Variants in IGF2BP3 observed in about 807,000 individuals in gnomAD.
The protein encoded by IGF2BP3 is insulin like growth factor 2 mRNA binding protein 3.
A neutral mutation model predicts 73.8 loss-of-function variants in IGF2BP3; 9 were observed. That is an observed-to-expected ratio of 0.12 (90% CI 0.07 to 0.21). The LOEUF is 0.21. Ranked by LOEUF, IGF2BP3 falls within the 10% of genes least tolerant of loss-of-function variation. IGF2BP3 has a pLI of 1.00. For synonymous variants in IGF2BP3, 258 were observed against 256.7 expected, an observed-to-expected ratio of 1.01 and a Z score of -0.05; for missense variants, 542 against 714.0, an observed-to-expected ratio of 0.76 and a Z score of 2.75.
intron 3 of IGF2BP3, among the ~76,000 whole-genome samples, chr7:23,390,803 T>C (rs932378595): frequency 1.3e-5 from 2 of 150,180 alleles, no homozygotes; most frequent in Non-Finnish European, 1.5e-5. Context: ...TTGTTGCCTT[T>C]TTTTTTTTTT....
chr7:23,429,022 T>G (rs979401355), intron 2 of IGF2BP3, among the ~76,000 whole-genome samples: 1 of 152,182 alleles, frequency 6.6e-6, no homozygotes, highest in Non-Finnish European at 1.5e-5. Flanking sequence ...TTAGCTTGTA[T>G]GTTTCTTGCC....
intron 2 of IGF2BP3, among the ~76,000 whole-genome samples, chr7:23,451,966 T>G: frequency 6.6e-6 from 1 of 150,834 alleles, no homozygotes. Context: ...AATATATGGT[T>G]AGAATAGGGT....
At chr7:23,442,542 C>CT (rs1267160936) in intron 2 of IGF2BP3, among the ~76,000 whole-genome samples, 1 of 152,046 alleles carries the variant, frequency 6.6e-6, no homozygotes, top group Non-Finnish European at 1.5e-5. Context: ...GGATTACAGG[C>CT]ACCCACTACC....
chr7:23,455,321 C>A (rs1338546720), intron 2 of IGF2BP3, among the ~76,000 whole-genome samples: 1 of 152,194 alleles, frequency 6.6e-6, no homozygotes, highest in Non-Finnish European at 1.5e-5. Context: ...GTAGTTCCCA[C>A]ACACACCCCA....
chr7:23,470,315 A>G lies in IGF2BP3; in HGVS notation c.-205T>C, dbSNP rs1307763972. The G allele has an allele frequency of 2.5e-6, 1 of 403,458 alleles. No homozygotes were observed. The highest frequency in any genetic ancestry group is 4.4e-6 in the Non-Finnish European group (1 of 228,254). 25.0% of individuals were successfully genotyped at this position (403,458 alleles called of 1,614,324 possible). On this transcript the variant is annotated 5_prime_UTR_variant, in exon 1 of 15. Coordinates refer to ENST00000258729, the MANE Select transcript of IGF2BP3 (RefSeq NM_006547.3). ...TTTCCTTGTCTAGATGTGTTTTAAA[A>G]GAGAAAGAAAAGAAAAAGCCTAGCT...
rs1783820322 is a variant in IGF2BP3, at chr7:23,311,278, C to T, written c.*1084G>A. On this transcript the variant is annotated 3_prime_UTR_variant, in exon 15 of 15. Transcript: ENST00000258729. The stretch of plus-strand genomic sequence containing the variant: ...TGAAGTGTAGTGGCAAACTAAGCAT[C>T]CTATAAGACAAGCTAAAGCTTGCTT... 1 of 152,492 alleles carries T rather than the reference C, an allele frequency of 6.6e-6. No homozygotes were observed. Among genetic ancestry groups the T allele is most frequent in the South Asian group, 2.1e-4 (1 of 4,828 alleles). 9.4% of individuals were successfully genotyped at this position (152,492 alleles called of 1,614,324 possible). A position where few individuals can be genotyped will look rare whatever the true frequency, so the allele number is the denominator to read the frequency against.
At chr7:23,393,445 C>A (rs961704234) in intron 3 of IGF2BP3, among the ~76,000 whole-genome samples, 3 of 152,150 alleles carry the variant, frequency 2.0e-5, no homozygotes, top group East Asian at 1.9e-4. Flanking sequence ...CAGCTAAGAT[C>A]CCACCCTGCA....
At chr7:23,437,731 CTT>C (rs1474203111) in intron 2 of IGF2BP3, among the ~76,000 whole-genome samples, 2 of 152,150 alleles carry the variant, frequency 1.3e-5, no homozygotes, top group African/African-American at 4.8e-5. Flanking sequence ...TAACAACAAA[CTT>C]TAAGATTTCA....
At chr7:23,443,752 A>C (rs542861521) in intron 2 of IGF2BP3, among the ~76,000 whole-genome samples, 173 of 152,016 alleles carry the variant, frequency 1.1e-3, no homozygotes, top group African/African-American at 3.7e-3. Context: ...GCTCATGCCT[A>C]TAATCTCAGC....
At chr7:23,340,361 G>C (rs867513407) in intron 10 of IGF2BP3, among the ~76,000 whole-genome samples, 1 of 152,148 alleles carries the variant, frequency 6.6e-6, no homozygotes, top group South Asian at 2.1e-4. Context: ...CACGGCAGGA[G>C]GGCAACTGCT....
intron 3 of IGF2BP3, chr7:23,402,623 A>G (rs1178891434): frequency 1.3e-5 from 2 of 152,326 alleles, no homozygotes; most frequent in East Asian, 3.9e-4. Flanking sequence ...GATAGAGACC[A>G]TATCATGACA....
At chr7:23,402,066 G>C (rs1231390045) in intron 3 of IGF2BP3, among the ~76,000 whole-genome samples, 1 of 149,474 alleles carries the variant, frequency 6.7e-6, no homozygotes, top group African/African-American at 2.5e-5. Context: ...GCAGTGAGCC[G>C]AGATTGCACC....
chr7:23,405,605 G>T (rs1406985163), intron 3 of IGF2BP3, among the ~76,000 whole-genome samples: 3 of 152,188 alleles, frequency 2.0e-5, no homozygotes, highest in African/African-American at 7.2e-5. Context: ...CCTCCTGTCA[G>T]ATCAGCAATG....
intron 3 of IGF2BP3, among the ~76,000 whole-genome samples, chr7:23,404,784 G>C (rs758701660): frequency 6.6e-6 from 1 of 152,012 alleles, no homozygotes; most frequent in Non-Finnish European, 1.5e-5. Flanking sequence ...GATGGCCTTA[G>C]TACTGAGAAA....
chr7:23,313,476 C>G, intron 13 of IGF2BP3, 46 bp downstream of exon 13: 1 of 1,598,352 alleles, frequency 6.3e-7, no homozygotes, highest in Non-Finnish European at 8.5e-7. Context: ...TACCTTTCAA[C>G]GCTTTCCCTT....
rs759678982 is a variant in IGF2BP3 at position 23,343,722 on chromosome 7, A to G, written c.1073T>C (p.Met358Thr). ...RESYENDIAS[M>T]NLQAHLIPGL... Reference sequence around the variant, plus strand: ...GCCCTTCATAACAAAACTAACATTCATAGAAGCAATATCATTTTCATAAGA... The same window carrying G: ...GCCCTTCATAACAAAACTAACATTCGTAGAAGCAATATCATTTTCATAAGA... Residue 358 changes from methionine (M) to threonine (T), a missense_variant, in exon 9 of 15, where the codon ATG becomes ACG. Physicochemically the swap from Met to Thr is moderately conservative, Grantham distance 81. This residue lies in a region of IGF2BP3 where 303 missense variants were observed against 472.1 expected (regional missense o/e 0.64). Coordinates refer to ENST00000258729, the MANE Select transcript of IGF2BP3 (RefSeq NM_006547.3). The G allele has an allele frequency of 6.2e-7, 1 of 1,610,630 alleles. No homozygotes were observed. The highest frequency in any genetic ancestry group is 8.5e-7 in the Non-Finnish European group (1 of 1,178,886).
chr7:23,438,295 G>A (rs994807483), intron 2 of IGF2BP3, among the ~76,000 whole-genome samples: 2 of 152,042 alleles, frequency 1.3e-5, no homozygotes, highest in Non-Finnish European at 2.9e-5. Flanking sequence ...TGTATTTTTC[G>A]TAAAGACGAG....
intron 2 of IGF2BP3, chr7:23,467,954 G>A (rs927301675): frequency 6.3e-6 from 1 of 159,410 alleles, no homozygotes; most frequent in Non-Finnish European, 1.4e-5. Flanking sequence ...GGGCCAGAGA[G>A]GCCCCAGCGT....
At chr7:23,410,634 A>G (rs1786989338) in intron 3 of IGF2BP3, among the ~76,000 whole-genome samples, 1 of 152,212 alleles carries the variant, frequency 6.6e-6, no homozygotes, top group African/African-American at 2.4e-5. Context: ...CTCTATGTCT[A>G]CAGTTCTTTA....
Sources: allele counts gnomAD v4.1 joint callset (sites outside exome capture counted in the v4.1 genomes callset), GRCh38; gene constraint gnomAD v4.1.1; regional missense constraint gnomAD v4.1.1; transcripts MANE v1.5; gene names NCBI Gene and HGNC (gene_info 2026-07-23, HGNC 2026-07-21).